PHF3: variants seen among roughly 807,000 people sequenced by gnomAD.
PHF3 encodes the protein PHD finger protein 3.
In PHF3, 41 loss-of-function variants were observed where a neutral mutation model predicts 178.4. The observed-to-expected ratio is 0.23, with a 90% confidence interval of 0.18 to 0.30. PHF3 has a LOEUF of 0.30. Ranked by LOEUF, PHF3 falls within the 10% of genes least tolerant of loss-of-function variation. The probability of loss-of-function intolerance (pLI) is 1.00; values close to 1 mark genes in which losing one functional copy is unlikely to be tolerated. For synonymous variants in PHF3, 842 were observed against 800.5 expected (o/e 1.05, Z -0.88); for missense variants, 2,346 against 2,398.1 (o/e 0.98, Z 0.45).
intron 6 of PHF3, among the ~76,000 whole-genome samples, chr6:63,695,170 G>C (rs1239333093): frequency 6.6e-6 from 1 of 152,114 alleles, no homozygotes; most frequent in Non-Finnish European, 1.5e-5. Flanking sequence ...ATTTGAAGGG[G>C]TGCAAAGATT....
intron 11 of PHF3, 67 bp downstream of exon 11, chr6:63,703,738 A>ATATG: frequency 3.5e-6 from 5 of 1,446,182 alleles, no homozygotes; most frequent in Non-Finnish European, 4.7e-6. Flanking sequence ...AGATACTAGT[A>ATATG]TATGTAATTT....
chr6:63,711,133 ACCT>A (rs1437670279), intron 14 of PHF3, 31 bp from the exon 15 acceptor site: 1 of 1,488,496 alleles, frequency 6.7e-7, no homozygotes, highest in Admixed American at 2.0e-5. Flanking sequence ...TTAGCTTATT[ACCT>A]TAAACAATTA....
At chr6:63,709,867 A>G (rs1317369136) in intron 14 of PHF3, among the ~76,000 whole-genome samples, 1 of 152,164 alleles carries the variant, frequency 6.6e-6, no homozygotes, top group Non-Finnish European at 1.5e-5. Flanking sequence ...ATACTGCGAA[A>G]TGGCTCTATC....
Position 63,711,717 on chromosome 6 carries a change from C to G in PHF3, c.4129C>G (p.Pro1377Ala), listed in dbSNP as rs1767934946. The stretch of plus-strand genomic sequence containing the variant: ...TGAAAGTGCACCACCAATAGCATTG[C>G]CACCTGATAAAAAAAGTAAAATAGA... ...TPESAPPIAL[P>A]PDKKSKIEVS... Residue 1377 changes from proline to alanine, a missense_variant, in exon 16 of 16, where the codon CCA becomes GCA. Transcript: ENST00000262043. The G allele has an allele frequency of 6.2e-7, 1 of 1,613,758 alleles. No individual in the cohort carries two copies. The highest frequency in any genetic ancestry group is 1.3e-5 in the African/African-American group (1 of 74,868).
chr6:63,639,678 G>T (rs536014994), intron 1 of PHF3, among the ~76,000 whole-genome samples: 6 of 152,236 alleles, frequency 3.9e-5, no homozygotes, highest in African/African-American at 1.4e-4. Flanking sequence ...AATTATCTAG[G>T]TCTCAGTTTG....
In PHF3 at chr6:63,685,604, C is replaced by T. The variant is rs541910900; in HGVS notation, c.1882C>T (p.His628Tyr). 1.2e-6 allele frequency: 2 copies of T among 1,614,066 alleles called. No homozygotes were observed. Among genetic ancestry groups the T allele is most frequent in the African/African-American group, 1.3e-5 (1 of 75,012 alleles). Residue 628 changes from histidine to tyrosine, a missense_variant, in exon 4 of 16, where the codon CAT (histidine) becomes TAT (tyrosine). Physicochemically the swap from His to Tyr is moderately conservative, Grantham distance 83. This residue lies in a region of PHF3 where 843 missense variants were observed against 795.2 expected (regional missense o/e 1.06). Coordinates refer to ENST00000262043, the MANE Select transcript of PHF3 (RefSeq NM_001370348.2). ...ATCACATTCTAGCCAGAAACAGTGT[C>T]ATAAGCCTCAGCAACAGGCCCCAGC... ...HVSHSSQKQC[H>Y]KPQQQAPAMK...
At chr6:63,682,996 TTA>T (rs755300339) in intron 3 of PHF3, among the ~76,000 whole-genome samples, 3 of 152,072 alleles carry the variant, frequency 2.0e-5, no homozygotes, top group Non-Finnish European at 2.9e-5. Context: ...TATTAAAATT[TTA>T]GTTATTTAAA....
In PHF3 at chr6:63,713,780, T is replaced by G; in HGVS notation, c.*72T>G. 7.9e-7 allele frequency: 1 copy of G among 1,269,592 alleles called. No homozygotes were observed. Among genetic ancestry groups the G allele is most frequent in the Non-Finnish European group, 1.1e-6 (1 of 933,808 alleles). The allele number at this position is 1,269,592 out of a possible 1,614,324, so 78.6% of individuals were successfully genotyped here. On this transcript the variant is annotated 3_prime_UTR_variant, in exon 16 of 16. Transcript: ENST00000262043. ...TTGTATCTTGTAAACAAAAGAAAGA[T>G]TGCCTGCTAGGATTGTGCCATCTTT...
chr6:63,653,814 A>G (rs1765119931), intron 2 of PHF3, among the ~76,000 whole-genome samples: 1 of 152,048 alleles, frequency 6.6e-6, no homozygotes, highest in Non-Finnish European at 1.5e-5. Flanking sequence ...TTTTATACCT[A>G]ACTTGTTGAG....
intron 2 of PHF3, among the ~76,000 whole-genome samples, chr6:63,649,041 T>TTTTTGTTAAA (rs1764908843): frequency 6.6e-6 from 1 of 152,030 alleles, no homozygotes; most frequent in Admixed American, 6.6e-5. Flanking sequence ...AAAATTTAAC[T>TTTTTGTTAAA]TTTTGTTAGA....
chr6:63,683,995 AGT>A, intron 3 of PHF3, 132 bp from the exon 4 acceptor site: 1 of 598,810 alleles, frequency 1.7e-6, no homozygotes, highest in Non-Finnish European at 2.9e-6. Context: ...CACCATTATG[AGT>A]ACTGTTCAAT....
Position 63,720,067 on chromosome 6 carries a change from T to G in PHF3, c.*6359T>G, listed in dbSNP as rs193035948. The G allele has an allele frequency of 4.6e-4, 71 of 153,508 alleles. No homozygotes were observed. The highest frequency in any genetic ancestry group is 3.6e-3 in the East Asian group (19 of 5,226). 9.5% of individuals were successfully genotyped at this position (153,508 alleles called of 1,614,324 possible). A position where few individuals can be genotyped will look rare whatever the true frequency, so the allele number is the denominator to read the frequency against. On this transcript the variant is annotated 3_prime_UTR_variant, in exon 16 of 16. Coordinates refer to ENST00000262043, the MANE Select transcript of PHF3 (RefSeq NM_001370348.2). ...TTCATGCAATAATTTTTGGTTTAAA[T>G]CTATGTTCAAGTTTTACATTGTTGA...
intron 9 of PHF3, among the ~76,000 whole-genome samples, chr6:63,701,768 C>T (rs1430031695): frequency 2.0e-5 from 3 of 152,146 alleles, no homozygotes; most frequent in African/African-American, 4.8e-5. Flanking sequence ...CCTCTTCCTT[C>T]CCTCCATATC....
At position 63,694,603 on chromosome 6, in the gene PHF3, C is replaced by T; in HGVS notation, c.2519C>T (p.Ser840Leu). 13 of 1,533,418 alleles carry T rather than the reference C, an allele frequency of 8.5e-6. No individual in the cohort carries two copies. Among genetic ancestry groups the T allele is most frequent in the Non-Finnish European group, 1.1e-5 (13 of 1,140,056 alleles). The allele number at this position is 1,533,418 out of a possible 1,614,324, so 95.0% of individuals were successfully genotyped here. A position where few individuals can be genotyped will look rare whatever the true frequency, so the allele number is the denominator to read the frequency against. The change falls in exon 6 of 16, where the codon TCA becomes TTA. Residue 840 changes from serine to leucine, a missense_variant. Physicochemically the swap from Ser to Leu is moderately radical, Grantham distance 145. Coordinates refer to ENST00000262043, the MANE Select transcript of PHF3 (RefSeq NM_001370348.2). ...CAGGAGTCTGGTGAAGGCAGAAATTCATCAGACTGTAGAGATAATGAAATT... is the reference window on the plus strand; with the variant it reads ...CAGGAGTCTGGTGAAGGCAGAAATTTATCAGACTGTAGAGATAATGAAATT... ...LKRESGEGRN[S>L]SDCRDNEIKK...
intron 14 of PHF3, among the ~76,000 whole-genome samples, 167 bp from the exon 15 acceptor site, chr6:63,710,996 TAAGA>T (rs990091871): frequency 1.3e-5 from 2 of 152,192 alleles, no homozygotes; most frequent in Admixed American, 1.3e-4. Flanking sequence ...GATCTTTTCT[TAAGA>T]GTTACTTGCT....
Position 63,694,752 on chromosome 6 carries a change from G to A in PHF3, c.2668G>A (p.Ala890Thr), listed in dbSNP as rs35547668. 1.3e-6 allele frequency: 2 copies of A among 1,494,276 alleles called. No homozygotes were observed. Among genetic ancestry groups the A allele is most frequent in the South Asian group, 1.5e-5 (1 of 67,734 alleles). The allele number at this position is 1,494,276 out of a possible 1,614,324, so 92.6% of individuals were successfully genotyped here. A position where few individuals can be genotyped will look rare whatever the true frequency, so the allele number is the denominator to read the frequency against. Residue 890 changes from alanine to threonine, a missense_variant, in exon 6 of 16, where the codon GCT becomes ACT. Physicochemically the swap from Ala to Thr is moderately conservative, Grantham distance 58. Around this residue, in one of 8 missense-constraint regions of PHF3, gnomAD observed 252 missense variants for 232.0 expected, o/e 1.09. Coordinates refer to ENST00000262043, the MANE Select transcript of PHF3 (RefSeq NM_001370348.2). Reference protein sequence around the residue: ...STTVTCTGEKASKPGTHEKQE... With the variant: ...STTVTCTGEKTSKPGTHEKQE... The stretch of plus-strand genomic sequence containing the variant: ...AACTGTTACTTGCACAGGAGAAAAA[G>A]CTTCAAAACCAGGTAGTGAGATGAA...
intron 4 of PHF3, among the ~76,000 whole-genome samples, chr6:63,688,048 C>T (rs1766793103): frequency 6.6e-6 from 1 of 151,302 alleles, no homozygotes; most frequent in Admixed American, 6.6e-5. Flanking sequence ...GCTGGGCGTG[C>T]TGGCGGGCGC....
chr6:63,721,131 T>C lies in PHF3; in HGVS notation c.*7423T>C. The C allele has an allele frequency of 6.4e-7, 1 of 1,551,420 alleles. No individual in the cohort carries two copies. Among genetic ancestry groups the C allele is most frequent in the Non-Finnish European group, 8.7e-7 (1 of 1,146,716 alleles). ...TCTCATTCTATAATTTGGATCAATG[T>C]ATTTAATGTAAGAATTACCCATAAA... On this transcript the variant is annotated 3_prime_UTR_variant, in exon 16 of 16. Transcript: ENST00000262043.
rs1347422543 is a variant in PHF3, at chr6:63,712,952, C to T, written c.5364C>T (p.Ser1788=). The change falls in exon 16 of 16, where the codon AGC becomes AGT. Residue 1788 remains serine (S), a synonymous_variant. Coordinates refer to ENST00000262043, the MANE Select transcript of PHF3 (RefSeq NM_001370348.2). ...KSITFTSRST[S]PRTSTNFSPM... ...TCACCTTTACTTCCAGAAGCACCAG[C>T]CCCAGAACAAGTACAAACTTTTCAC... 1.2e-6 allele frequency: 2 copies of T among 1,614,036 alleles called. No individual in the cohort carries two copies. Among genetic ancestry groups the T allele is most frequent in the East Asian group, 2.2e-5 (1 of 44,874 alleles).
Sources: allele counts gnomAD v4.1 joint callset (sites outside exome capture counted in the v4.1 genomes callset), GRCh38; gene constraint gnomAD v4.1.1; regional missense constraint gnomAD v4.1.1; transcripts MANE v1.5; gene names NCBI Gene and HGNC (gene_info 2026-07-23, HGNC 2026-07-21).